AFAP1L2: variants seen among roughly 807,000 people sequenced by gnomAD.
AFAP1L2 encodes the protein actin filament associated protein 1 like 2.
AFAP1L2 carries 46 observed loss-of-function variants against 99.3 expected under a neutral mutation model. The observed-to-expected ratio is 0.46, with a 90% CI of 0.37 to 0.59. The LOEUF is 0.59. Ranked by LOEUF, AFAP1L2 falls within the 20% of genes least tolerant of loss-of-function variation. The pLI, the probability that AFAP1L2 is intolerant of heterozygous loss-of-function variation, is 0.00. For synonymous variants in AFAP1L2, 397 were observed against 419.1 expected (o/e 0.95, Z 0.64); for missense variants, 959 against 1,034.9 (o/e 0.93, Z 1.01).
intron 1 of AFAP1L2, among the ~76,000 whole-genome samples, chr10:114,357,436 C>T (rs1405985519): frequency 6.6e-6 from 1 of 152,204 alleles, no homozygotes; most frequent in Non-Finnish European, 1.5e-5. Flanking sequence ...AACAAGGCCC[C>T]AAGGTGTGGT....
chr10:114,358,545 T>C (rs1435774178), intron 1 of AFAP1L2, among the ~76,000 whole-genome samples: 1 of 152,146 alleles, frequency 6.6e-6, no homozygotes, highest in African/African-American at 2.4e-5. Context: ...TGGCCTCCCT[T>C]ACATTTTCTT....
intron 1 of AFAP1L2, among the ~76,000 whole-genome samples, chr10:114,399,713 C>T (rs1258723300): frequency 6.6e-6 from 1 of 152,158 alleles, no homozygotes; most frequent in Non-Finnish European, 1.5e-5. Flanking sequence ...TGGCCTACGG[C>T]ATTCTCTTTC....
At chr10:114,342,296 A>G (rs1302262995) in intron 1 of AFAP1L2, among the ~76,000 whole-genome samples, 1 of 152,174 alleles carries the variant, frequency 6.6e-6, no homozygotes, top group Non-Finnish European at 1.5e-5. Flanking sequence ...CTCCCTGCTC[A>G]TACCTAACTA....
intron 7 of AFAP1L2, among the ~76,000 whole-genome samples, chr10:114,313,012 G>C (rs2043496327): frequency 2.0e-5 from 3 of 152,106 alleles, no homozygotes. Context: ...ATCTGTTTCT[G>C]ACAGGCTCGC....
Position 114,356,307 on chromosome 10 carries a change from T to A in AFAP1L2, c.17-15576A>T, listed in dbSNP as rs1040733673. On this transcript the variant is annotated intron_variant, in intron 1 of 18. Transcript: ENST00000304129. ...TAAACAGATAATGAGTCGCCTCACA[T>A]CATTTCAGGGCCGTTTTTATCTCCA... is the stretch of plus-strand genomic sequence containing the variant. Among the ~76,000 whole-genome samples the A allele has an allele frequency of 2.0e-5, 3 of 152,202 alleles. No individual in the cohort carries two copies. In the East Asian group the frequency reaches 5.8e-4, roughly 29 times the overall value.
intron 13 of AFAP1L2, 24 bp from the exon 14 acceptor site, chr10:114,300,714 G>T: frequency 2.6e-6 from 4 of 1,562,098 alleles, no homozygotes; most frequent in Non-Finnish European, 3.5e-6. Context: ...TGAGTCTGGG[G>T]CATTCAACAT....
At chr10:114,313,736 C>A in intron 7 of AFAP1L2, 135 bp downstream of exon 7, 1 of 889,684 alleles carries the variant, frequency 1.1e-6, no homozygotes, top group Non-Finnish European at 1.6e-6. Flanking sequence ...AGATCGTTAC[C>A]ACTTAGAACA....
chr10:114,286,389 T>C, the AFAP1L2 span: 1 of 1,613,914 alleles, frequency 6.2e-7, no homozygotes. Flanking sequence ...AGTGAGGCCG[T>C]GCGGGCAGAG....
At chr10:114,304,226 C>A (rs2041741769) in intron 11 of AFAP1L2, among the ~76,000 whole-genome samples, 1 of 152,180 alleles carries the variant, frequency 6.6e-6, no homozygotes. Flanking sequence ...GGGACTCGGT[C>A]TCCGCCTGCC....
intron 1 of AFAP1L2, among the ~76,000 whole-genome samples, chr10:114,393,036 A>T (rs2057320770): frequency 6.6e-6 from 1 of 152,150 alleles, no homozygotes; most frequent in African/African-American, 2.4e-5. Flanking sequence ...TGCCCCTATC[A>T]TACCTGATAC....
chr10:114,320,212 C>T (rs1246320384), intron 5 of AFAP1L2, among the ~76,000 whole-genome samples: 5 of 152,212 alleles, frequency 3.3e-5, no homozygotes, highest in East Asian at 1.9e-4. Context: ...GGGCAGACCC[C>T]GATATCCCTA....
chr10:114,306,905 G>C (rs1485641000), intron 10 of AFAP1L2, among the ~76,000 whole-genome samples: 3 of 152,126 alleles, frequency 2.0e-5, no homozygotes, highest in Non-Finnish European at 2.9e-5. Context: ...TGGAGAAGCC[G>C]GAGAATGCAA....
At chr10:114,352,023 T>A (rs571762396) in intron 1 of AFAP1L2, among the ~76,000 whole-genome samples, 4 of 152,352 alleles carry the variant, frequency 2.6e-5, no homozygotes, top group Non-Finnish European at 5.9e-5. Context: ...GTGGGATTAA[T>A]GTGAAGATCA....
At chr10:114,389,620 T>C (rs1565075448) in intron 1 of AFAP1L2, among the ~76,000 whole-genome samples, 1 of 152,060 alleles carries the variant, frequency 6.6e-6, no homozygotes, top group African/African-American at 2.4e-5. Flanking sequence ...TGGCTGGAGG[T>C]GACTGAAAAA....
chr10:114,361,394 C>G (rs551430948), intron 1 of AFAP1L2, among the ~76,000 whole-genome samples: 1 of 152,308 alleles, frequency 6.6e-6, no homozygotes, highest in Non-Finnish European at 1.5e-5. Flanking sequence ...ATGCCTTAAC[C>G]TATCCCAGTC....
chr10:114,395,398 C>A (rs918260535), intron 1 of AFAP1L2, among the ~76,000 whole-genome samples: 1 of 152,162 alleles, frequency 6.6e-6, no homozygotes, highest in African/African-American at 2.4e-5. Context: ...AGCTCTGATA[C>A]CGGGGACACG....
intron 5 of AFAP1L2, among the ~76,000 whole-genome samples, chr10:114,316,508 G>C (rs1195747796): frequency 2.0e-5 from 3 of 152,152 alleles, no homozygotes; most frequent in Non-Finnish European, 4.4e-5. Flanking sequence ...CACAAATGTA[G>C]CTCCTTTTAC....
intron 1 of AFAP1L2, among the ~76,000 whole-genome samples, chr10:114,371,592 A>G (rs1300369241): frequency 6.6e-6 from 1 of 152,036 alleles, no homozygotes; most frequent in African/African-American, 2.4e-5. Flanking sequence ...GTTCTCACTC[A>G]TAAGTGGGAG....
chr10:114,340,871 G>GT (rs2048724635), intron 1 of AFAP1L2, 140 bp from the exon 2 acceptor site: 1 of 1,189,976 alleles, frequency 8.4e-7, no homozygotes, highest in African/African-American at 1.5e-5. Flanking sequence ...GTCTGGCAGC[G>GT]TATGGGGGGA....
Sources: gnomAD v4.1 joint callset for allele counts (sites outside exome capture counted in the v4.1 genomes callset) on GRCh38, gnomAD v4.1.1 for gene constraint, MANE v1.5 for transcripts, NCBI Gene and HGNC (gene_info 2026-07-23, HGNC 2026-07-21) for gene names.